PRRC2B: variants seen among roughly 807,000 people sequenced by gnomAD.
The protein encoded by PRRC2B is protein PRRC2B.
Under a neutral mutation model 242.3 loss-of-function variants are expected in PRRC2B, and 68 were observed. The observed-to-expected ratio is 0.28, with a 90% CI of 0.23 to 0.34. The LOEUF (loss-of-function observed/expected upper bound fraction) is 0.34. PRRC2B is among the 10% of genes least tolerant of loss of function. The pLI is 1.00. For synonymous variants in PRRC2B, 1,228 were observed against 1,173.6 expected, an observed-to-expected ratio of 1.05 and a Z score of -0.95; for missense variants, 2,835 against 2,954.8, an observed-to-expected ratio of 0.96 and a Z score of 0.94.
chr9:131,442,658 A>G (rs1838637017), intron 5 of PRRC2B, among the ~76,000 whole-genome samples: 3 of 152,196 alleles, frequency 2.0e-5, no homozygotes, highest in Non-Finnish European at 4.4e-5. Flanking sequence ...TGCTAAGAAT[A>G]ATTTAAACTA....
intron 11 of PRRC2B, among the ~76,000 whole-genome samples, chr9:131,460,489 G>A (rs1001667734): frequency 7.2e-5 from 11 of 152,096 alleles, no homozygotes; most frequent in African/African-American, 2.7e-4. Flanking sequence ...AGGCAACCAC[G>A]ACTTCATCCT....
At position 131,474,624 on chromosome 9, in the gene PRRC2B, C is replaced by T. The variant is rs1211852873; in HGVS notation, c.2495C>T (p.Pro832Leu). 4 of 1,613,858 alleles carry T rather than the reference C, an allele frequency of 2.5e-6. No individual in the cohort carries two copies. The East Asian group carries it at 8.9e-5, about 36-fold the overall frequency. The change falls in exon 16 of 32, where the codon CCA (proline) becomes CTA (leucine). Residue 832 changes from proline to leucine, a missense_variant. By Grantham distance (98) the Pro-to-Leu change is moderately conservative. Around this residue, in one of 7 missense-constraint regions of PRRC2B, gnomAD observed 1,536 missense variants for 1,483.1 expected, o/e 1.04. Coordinates refer to ENST00000683519, the MANE Select transcript of PRRC2B (RefSeq NM_013318.4). ...SQRIGQELLFPPQENVQDAGA... is the reference protein window; with the variant it reads ...SQRIGQELLFLPQENVQDAGA... Reference sequence around the variant, plus strand: ...AGAATAGGCCAGGAGCTTTTGTTTCCACCCCAAGAAAATGTTCAGGATGCA... The same window carrying T: ...AGAATAGGCCAGGAGCTTTTGTTTCTACCCCAAGAAAATGTTCAGGATGCA...
chr9:131,474,981 A>G lies in PRRC2B; in HGVS notation c.2852A>G (p.Lys951Arg). ...AAGAAACCAGTCCTGAAAGCCCTCA[A>G]GGTGGAAGACAAGGAGAAGGAGCTT... ...PIKKPVLKAL[K>R]VEDKEKELEK... Residue 951 changes from lysine (K) to arginine (R), a missense_variant, in exon 16 of 32, where the codon AAG becomes AGG. By Grantham distance (26) the Lys-to-Arg change is conservative. Coordinates refer to ENST00000683519, the MANE Select transcript of PRRC2B (RefSeq NM_013318.4). 2 of 1,599,344 alleles carry G rather than the reference A, an allele frequency of 1.3e-6. No individual in the cohort carries two copies. The highest frequency in any genetic ancestry group is 1.7e-6 in the Non-Finnish European group (2 of 1,173,150).
In PRRC2B at chr9:131,479,232, G is replaced by A. The variant is rs1943790653; in HGVS notation, c.4759-20G>A. On this transcript the variant is annotated intron_variant, in intron 18 of 31. Coordinates refer to ENST00000683519, the MANE Select transcript of PRRC2B (RefSeq NM_013318.4). ...TCTTGGTGCCTTTGGCTAGACTACA[G>A]CATCCTTTCTTCCCCTCAGGTGCCT... 6.2e-7 allele frequency: 1 copy of A among 1,612,770 alleles called. No homozygotes were observed. Among genetic ancestry groups the A allele is most frequent in the African/African-American group, 1.3e-5 (1 of 74,898 alleles).
At chr9:131,406,654 T>G (rs1837369828) in intron 1 of PRRC2B, among the ~76,000 whole-genome samples, 2 of 152,148 alleles carry the variant, frequency 1.3e-5, no homozygotes, top group African/African-American at 4.8e-5. Context: ...ACAGCATTGC[T>G]GCAAAGATTG....
chr9:131,468,622 A>G (rs1378033051), intron 13 of PRRC2B, among the ~76,000 whole-genome samples: 1 of 152,138 alleles, frequency 6.6e-6, no homozygotes, highest in Non-Finnish European at 1.5e-5. Context: ...AGTCAATACT[A>G]AGGAATAGTG....
exon 1 of PRRC2B, chr9:131,373,715 G>A (rs1020028942): frequency 1.3e-5 from 2 of 152,326 alleles, no homozygotes; most frequent in African/African-American, 4.8e-5. Flanking sequence ...TGAAGGCGGA[G>A]GCAGCACCCA....
intron 5 of PRRC2B, among the ~76,000 whole-genome samples, chr9:131,442,834 G>A (rs1445480072): frequency 1.3e-5 from 2 of 152,180 alleles, no homozygotes; most frequent in Non-Finnish European, 2.9e-5. Flanking sequence ...AAAAATGGTG[G>A]CAGAACCTCT....
intron 15 of PRRC2B, 99 bp from the exon 16 acceptor site, chr9:131,474,355 G>A (rs1240349384): frequency 9.5e-7 from 1 of 1,051,500 alleles, no homozygotes; most frequent in Non-Finnish European, 1.4e-6. Context: ...TTTAGTTTTT[G>A]TTTTTGTTTT....
chr9:131,477,179 T>G (rs1245735100), intron 16 of PRRC2B, among the ~76,000 whole-genome samples: 1 of 152,212 alleles, frequency 6.6e-6, no homozygotes, highest in Non-Finnish European at 1.5e-5. Flanking sequence ...ACTTGGCTTG[T>G]GCCTCGGACA....
intron 1 of PRRC2B, among the ~76,000 whole-genome samples, chr9:131,417,450 T>C (rs977231612): frequency 6.6e-6 from 1 of 151,970 alleles, no homozygotes; most frequent in Non-Finnish European, 1.5e-5. Context: ...CTTCAGCCAG[T>C]CCCCCCACAT....
At chr9:131,380,722 C>CA (rs1271656264) in intron 1 of PRRC2B, among the ~76,000 whole-genome samples, 5 of 151,396 alleles carry the variant, frequency 3.3e-5, no homozygotes, top group East Asian at 1.9e-4. Flanking sequence ...ACTAAAAATA[C>CA]AAAAAATTAG....
chr9:131,449,605 A>T (rs996391500), intron 9 of PRRC2B, among the ~76,000 whole-genome samples: 1 of 152,182 alleles, frequency 6.6e-6, no homozygotes, highest in African/African-American at 2.4e-5. Context: ...TCTGAATTTT[A>T]AAAAATTGAG....
intron 12 of PRRC2B, among the ~76,000 whole-genome samples, chr9:131,466,527 A>G (rs1943399843): frequency 6.6e-6 from 1 of 152,092 alleles, no homozygotes; most frequent in Non-Finnish European, 1.5e-5. Context: ...CCTTGCCAGC[A>G]GGAAGTCATA....
chr9:131,410,737 C>G (rs1050843769), intron 1 of PRRC2B, among the ~76,000 whole-genome samples: 2 of 151,358 alleles, frequency 1.3e-5, no homozygotes, highest in African/African-American at 4.9e-5. Flanking sequence ...TCTTTTTTTC[C>G]TTGTGGACCT....
At chr9:131,399,840 A>G (rs1028170754) in intron 1 of PRRC2B, among the ~76,000 whole-genome samples, 1 of 152,110 alleles carries the variant, frequency 6.6e-6, no homozygotes, top group Non-Finnish European at 1.5e-5. Flanking sequence ...ATATGCCATA[A>G]TTTATTGACT....
intron 19 of PRRC2B, among the ~76,000 whole-genome samples, chr9:131,479,958 G>A (rs1230920293): frequency 6.6e-6 from 1 of 152,026 alleles, no homozygotes; most frequent in Admixed American, 6.6e-5. Context: ...ATTTTTCTGG[G>A]AATTTTTCCT....
chr9:131,421,718 G>A (rs1003764711), intron 1 of PRRC2B, among the ~76,000 whole-genome samples: 2 of 152,224 alleles, frequency 1.3e-5, no homozygotes, highest in African/African-American at 2.4e-5. Flanking sequence ...GTGCCCACAT[G>A]TGAAGAGTGA....
At position 131,472,397 on chromosome 9, in the gene PRRC2B, C is replaced by T. The variant is rs1157983535; in HGVS notation, c.2108-1111C>T. 5.3e-5 allele frequency among the ~76,000 whole-genome samples: 8 copies of T among 151,794 alleles called. No individual in the cohort carries two copies. The East Asian group carries it at 9.7e-4, about 18-fold the overall frequency. ...TCAACTCACTGCAACCTCCGCCTCCCGGGTTCAAGCGATTCTTCTGCCTCA... is the reference window on the plus strand; with the variant it reads ...TCAACTCACTGCAACCTCCGCCTCCTGGGTTCAAGCGATTCTTCTGCCTCA... On this transcript the variant is annotated intron_variant, in intron 14 of 31. Coordinates refer to ENST00000683519, the MANE Select transcript of PRRC2B (RefSeq NM_013318.4).
Sources: allele counts gnomAD v4.1 joint callset (sites outside exome capture counted in the v4.1 genomes callset), GRCh38; gene constraint gnomAD v4.1.1; regional missense constraint gnomAD v4.1.1; transcripts MANE v1.5; gene names NCBI Gene and HGNC (gene_info 2026-07-23, HGNC 2026-07-21).